DLG2: variants seen among roughly 807,000 people sequenced by gnomAD.
DLG2 encodes the protein discs large MAGUK scaffold protein 2.
DLG2 carries 45 observed loss-of-function variants against 132.5 expected under a neutral mutation model. The observed-to-expected ratio is 0.34, with a 90% CI of 0.27 to 0.44. DLG2 has a LOEUF of 0.44. DLG2 is among the 20% of genes least tolerant of loss of function. The pLI, the probability that DLG2 is intolerant of heterozygous loss-of-function variation, is 1.00. For missense variants in DLG2, 1,045 were observed against 1,196.9 expected (o/e 0.87, Z 1.87); for synonymous variants, 424 against 419.6 (o/e 1.01, Z -0.13).
chr11:84,686,688 A>T (rs1173106405), intron 6 of DLG2: 1 of 150,734 alleles, frequency 6.6e-6, no homozygotes, highest in Non-Finnish European at 1.5e-5. Flanking sequence ...TAGCCTAAAA[A>T]CATTCATCCA....
chr11:85,128,454 G>T (rs2075372266), intron 5 of DLG2, among the ~76,000 whole-genome samples: 1 of 152,082 alleles, frequency 6.6e-6, no homozygotes. Flanking sequence ...GGTGCCCATG[G>T]TCAGAAAGTA....
At chr11:83,934,504 G>T (rs1395637995) in intron 14 of DLG2, among the ~76,000 whole-genome samples, 2 of 151,584 alleles carry the variant, frequency 1.3e-5, no homozygotes, top group East Asian at 3.9e-4. Context: ...TATAGTCCCT[G>T]CCCTGTATCA....
intron 8 of DLG2, among the ~76,000 whole-genome samples, chr11:84,176,184 C>T (rs1246989743): frequency 1.3e-5 from 2 of 151,806 alleles, no homozygotes; most frequent in South Asian, 2.1e-4. Flanking sequence ...CATGTACATA[C>T]ATGCCACACT....
rs80113707 is a variant in DLG2 at position 83,970,538 on chromosome 11, G to A, written c.1057-5070C>T. On this transcript the variant is annotated intron_variant, in intron 12 of 27. Transcript: ENST00000376104. ...GGTATTATGATACTGGCAACAGAATGTAGTGATTAAAAGCACATGCTTTTG... is the reference window on the plus strand; with the variant it reads ...GGTATTATGATACTGGCAACAGAATATAGTGATTAAAAGCACATGCTTTTG... 2.1e-3 allele frequency among the ~76,000 whole-genome samples: 314 copies of A among 152,318 alleles called. 7 individuals carry two copies. The East Asian group carries it at 0.058, about 28-fold the overall frequency.
chr11:84,278,494 A>G (rs894423145), intron 7 of DLG2, among the ~76,000 whole-genome samples: 15 of 151,930 alleles, frequency 9.9e-5, no homozygotes, highest in Admixed American at 9.2e-4. Flanking sequence ...TGAGGCCAGC[A>G]TTACCCTAAT....
At chr11:84,824,415 G>A (rs1016369660) in intron 6 of DLG2, among the ~76,000 whole-genome samples, 2 of 151,910 alleles carry the variant, frequency 1.3e-5, no homozygotes, top group African/African-American at 4.8e-5. Context: ...ATTTTAAACA[G>A]TAAATACTAT....
At chr11:83,936,211 A>G (rs542401488) in intron 14 of DLG2, among the ~76,000 whole-genome samples, 2 of 152,204 alleles carry the variant, frequency 1.3e-5, no homozygotes, top group African/African-American at 4.8e-5. Flanking sequence ...AGGAAGTAAC[A>G]ATCGATGGCT....
chr11:83,557,251 G>A (rs140817936), intron 19 of DLG2, among the ~76,000 whole-genome samples: 1 of 152,268 alleles, frequency 6.6e-6, no homozygotes, highest in East Asian at 1.9e-4. Context: ...TGGTTTGTTT[G>A]TTAAATGCAA....
chr11:84,027,854 T>C (rs2095581294), intron 11 of DLG2, among the ~76,000 whole-genome samples: 1 of 152,092 alleles, frequency 6.6e-6, no homozygotes, highest in Non-Finnish European at 1.5e-5. Context: ...AATGTAGGTC[T>C]ATTTAAAATT....
At position 84,059,500 on chromosome 11, in the gene DLG2, AG is replaced by A. The variant is rs1212319488; in HGVS notation, c.750-17del. On this transcript the variant is annotated splice_polypyrimidine_tract_variant and intron_variant, in intron 10 of 27. Coordinates refer to ENST00000376104, the MANE Select transcript of DLG2 (RefSeq NM_001142699.3). Reference sequence around the variant, plus strand: ...ATCATTGACCCTGCAAGGAAGGAAAAGAGTCAAGATTCAGAAGTGGCTAGCA... The same window carrying A: ...ATCATTGACCCTGCAAGGAAGGAAAAAGTCAAGATTCAGAAGTGGCTAGCA... 2 of 1,547,958 alleles carry A rather than the reference AG, an allele frequency of 1.3e-6. No individual in the cohort carries two copies. Among genetic ancestry groups the A allele is most frequent in the African/African-American group, 1.4e-5 (1 of 71,856 alleles).
chr11:84,029,207 G>A (rs1056588209), intron 11 of DLG2, among the ~76,000 whole-genome samples: 6 of 152,014 alleles, frequency 3.9e-5, no homozygotes, highest in Non-Finnish European at 7.4e-5. Context: ...TGTGGAGTCT[G>A]CCAGAAATAA....
intron 6 of DLG2, among the ~76,000 whole-genome samples, chr11:84,588,911 T>C (rs1306298533): frequency 6.6e-6 from 1 of 152,170 alleles, no homozygotes; most frequent in African/African-American, 2.4e-5. Flanking sequence ...GGACTCGCCC[T>C]GAATTCTTTC....
chr11:84,102,217 T>G (rs1005205208), intron 9 of DLG2, among the ~76,000 whole-genome samples: 1 of 152,180 alleles, frequency 6.6e-6, no homozygotes, highest in African/African-American at 2.4e-5. Flanking sequence ...CATTATGCAT[T>G]GTGTTATTTT....
intron 7 of DLG2, among the ~76,000 whole-genome samples, chr11:84,377,572 T>C (rs2098734246): frequency 6.6e-6 from 1 of 151,944 alleles, no homozygotes; most frequent in Non-Finnish European, 1.5e-5. Context: ...ATATTAGAAC[T>C]CTAAAATATT....
intron 6 of DLG2, among the ~76,000 whole-genome samples, chr11:84,755,383 G>A (rs1423567975): frequency 1.3e-5 from 2 of 152,072 alleles, no homozygotes; most frequent in African/African-American, 4.8e-5. Context: ...TGTGGTTCTG[G>A]ACACTTCATC....
In DLG2 at chr11:84,842,176, A is replaced by C. The variant is rs552117198; in HGVS notation, c.357+269485T>G. ...CAAGAGGGACTATAGAGATGAGGAAATCTAACCTTCCAATAATAAAGACAC... is the reference window on the plus strand; with the variant it reads ...CAAGAGGGACTATAGAGATGAGGAACTCTAACCTTCCAATAATAAAGACAC... On this transcript the variant is annotated intron_variant, in intron 6 of 27. Coordinates refer to ENST00000376104, the MANE Select transcript of DLG2 (RefSeq NM_001142699.3). 2.0e-4 allele frequency among the ~76,000 whole-genome samples: 30 copies of C among 152,136 alleles called. 1 individual carries two copies. The highest frequency in any genetic ancestry group is 6.7e-4 in the African/African-American group (28 of 41,550).
At chr11:85,141,034 T>C (rs1292342697) in intron 5 of DLG2, among the ~76,000 whole-genome samples, 1 of 151,792 alleles carries the variant, frequency 6.6e-6, no homozygotes, top group Non-Finnish European at 1.5e-5. Flanking sequence ...AATACAGGAG[T>C]GTAGGTATCT....
chr11:84,003,779 C>T (rs1329911517), intron 11 of DLG2, among the ~76,000 whole-genome samples: 1 of 151,910 alleles, frequency 6.6e-6, no homozygotes, highest in African/African-American at 2.4e-5. Context: ...ATTAATTCCA[C>T]AGAAATACAA....
intron 11 of DLG2, among the ~76,000 whole-genome samples, chr11:84,036,193 C>T (rs1418326376): frequency 1.3e-5 from 2 of 151,812 alleles, no homozygotes; most frequent in Non-Finnish European, 2.9e-5. Context: ...TTCGGGAACT[C>T]TAGGCTTTAG....
Sources: allele counts gnomAD v4.1 joint callset (sites outside exome capture counted in the v4.1 genomes callset), GRCh38; gene constraint gnomAD v4.1.1; transcripts MANE v1.5; gene names NCBI Gene and HGNC (gene_info 2026-07-23, HGNC 2026-07-21).